The following CFTR variants were observed in gnomAD, a reference collection of about 807,000 sequenced individuals.
CFTR encodes the protein CF transmembrane conductance regulator.
CFTR carries 181 observed loss-of-function variants against 171.6 expected under a neutral mutation model. That is an observed-to-expected ratio of 1.05 (90% CI 0.93 to 1.19). The LOEUF (loss-of-function observed/expected upper bound fraction) is 1.19, where lower values mean the gene tolerates loss of function less well. Ranked by LOEUF, CFTR falls within the 50% of genes most tolerant of loss-of-function variation. The probability of loss-of-function intolerance (pLI) is 0.00; values close to 1 mark genes in which losing one functional copy is unlikely to be tolerated. For synonymous variants in CFTR, 583 were observed against 608.0 expected, an observed-to-expected ratio of 0.96 and a Z score of 0.60; for missense variants, 1,968 against 1,734.7, an observed-to-expected ratio of 1.13 and a Z score of -2.39.
chr7:117,630,127 C>T (rs34587451), intron 22 of CFTR, among the ~76,000 whole-genome samples: 2 of 152,168 alleles, frequency 1.3e-5, no homozygotes, highest in Admixed American at 6.5e-5. Flanking sequence ...GTTTCACAGA[C>T]CTTCATTTGC....
chr7:117,635,549 C>T (rs1248368672), intron 22 of CFTR, among the ~76,000 whole-genome samples: 1 of 151,812 alleles, frequency 6.6e-6, no homozygotes, highest in African/African-American at 2.4e-5. Context: ...CTTTTTCTTT[C>T]CATTGTGGTT....
At chr7:117,565,871 G>T (rs1384702617) in intron 11 of CFTR, among the ~76,000 whole-genome samples, 1 of 152,062 alleles carries the variant, frequency 6.6e-6, no homozygotes, top group Non-Finnish European at 1.5e-5. Flanking sequence ...AAGCTTGGGA[G>T]GGAAGTAAGC....
intron 11 of CFTR, among the ~76,000 whole-genome samples, chr7:117,582,044 C>T (rs1263655748): frequency 6.6e-6 from 1 of 152,098 alleles, no homozygotes; most frequent in Non-Finnish European, 1.5e-5. Context: ...GCTTGAGCCA[C>T]CATGTCCAGC....
At chr7:117,566,089 C>T (rs1791597052) in intron 11 of CFTR, among the ~76,000 whole-genome samples, 1 of 151,946 alleles carries the variant, frequency 6.6e-6, no homozygotes, top group South Asian at 2.1e-4. Context: ...AAAGAAGTAC[C>T]ATAGGAATTA....
intron 3 of CFTR, among the ~76,000 whole-genome samples, chr7:117,516,400 C>G (rs1291166071): frequency 6.6e-6 from 1 of 152,110 alleles, no homozygotes; most frequent in Non-Finnish European, 1.5e-5. Context: ...TCTTTACCGT[C>G]ACTTCCATCT....
chr7:117,603,448 C>T, intron 16 of CFTR, 84 bp from the exon 17 acceptor site: 1 of 1,491,328 alleles, frequency 6.7e-7, no homozygotes, highest in Non-Finnish European at 9.3e-7. Context: ...TTTATTTAGA[C>T]TCAAGTTTAG....
In CFTR at chr7:117,554,739, A is replaced by C. The variant is rs114158462; in HGVS notation, c.1393-4725A>C. Among the ~76,000 whole-genome samples, 186 of 152,298 alleles carry C rather than the reference A, an allele frequency of 1.2e-3. 1 individual carries two copies. The highest frequency in any genetic ancestry group is 4.1e-3 in the African/African-American group (171 of 41,544). On this transcript the variant is annotated intron_variant, in intron 10 of 26. Transcript: ENST00000003084. ...GAATGAATGTGGTATCCCGGAACCC[A>C]ACTGATGTCAAGCAGAAGGGTGTTA...
intron 10 of CFTR, among the ~76,000 whole-genome samples, chr7:117,549,747 A>G (rs1467268724): frequency 1.3e-5 from 2 of 152,162 alleles, no homozygotes; most frequent in East Asian, 3.9e-4. Flanking sequence ...GCTTTTCAAA[A>G]TACTTTCTAG....
intron 11 of CFTR, among the ~76,000 whole-genome samples, chr7:117,564,261 C>T (rs988913423): frequency 3.9e-5 from 6 of 152,178 alleles, no homozygotes; most frequent in Non-Finnish European, 5.9e-5. Flanking sequence ...CATGACAGCA[C>T]GTGATTGCTG....
Position 117,540,350 on chromosome 7 carries a change from A to G in CFTR, c.1116+4A>G. On this transcript the variant is annotated splice_donor_region_variant and intron_variant, in intron 8 of 26. Transcript: ENST00000003084. ...TGGAGCAATAAACAAAATACAGGTAATGTACCATAATGCTGCATTATATAC... is the reference window on the plus strand; with the variant it reads ...TGGAGCAATAAACAAAATACAGGTAGTGTACCATAATGCTGCATTATATAC... 2.5e-6 allele frequency: 4 copies of G among 1,611,526 alleles called. No individual in the cohort carries two copies. The highest frequency in any genetic ancestry group is 3.4e-6 in the Non-Finnish European group (4 of 1,177,710).
chr7:117,517,031 C>G (rs1047561654), intron 3 of CFTR, among the ~76,000 whole-genome samples: 1 of 151,800 alleles, frequency 6.6e-6, no homozygotes, highest in African/African-American at 2.4e-5. Flanking sequence ...ACATAGGTAT[C>G]AACAACTCTA....
rs121908748 is a variant in CFTR at position 117,590,440 on chromosome 7, G to C, written c.1766+1G>C. The C allele has an allele frequency of 1.2e-6, 2 of 1,600,182 alleles. No homozygotes were observed. The highest frequency in any genetic ancestry group is 1.7e-6 in the Non-Finnish European group (2 of 1,170,478). On this transcript the variant is annotated splice_donor_variant, in intron 13 of 26. Transcript: ENST00000003084. LOFTEE classifies it high-confidence loss of function. ...TAACAGAAAAAGAAATATTTGAAAG[G>C]TATGTTCTTTGAATACCTTACTTAT...
intron 15 of CFTR, among the ~76,000 whole-genome samples, chr7:117,598,303 A>G (rs1792170316): frequency 6.6e-6 from 1 of 152,232 alleles, no homozygotes; most frequent in Non-Finnish European, 1.5e-5. Flanking sequence ...GTCCTAATAT[A>G]AAACCTAAAT....
chr7:117,612,054 C>CATATATAT (rs1295752704), intron 20 of CFTR, among the ~76,000 whole-genome samples: 1 of 46,518 alleles, frequency 2.1e-5, no homozygotes, highest in Admixed American at 2.4e-4. Flanking sequence ...TATATATATA[C>CATATATAT]ATATATATAT....
intron 1 of CFTR, among the ~76,000 whole-genome samples, chr7:117,496,425 A>T (rs557838317): frequency 2.0e-5 from 3 of 152,236 alleles, no homozygotes; most frequent in Admixed American, 2.0e-4. Context: ...GCTGCTCTCA[A>T]ACTCCAGGGC....
intron 3 of CFTR, among the ~76,000 whole-genome samples, chr7:117,519,050 T>C (rs1434733513): frequency 6.6e-6 from 1 of 152,120 alleles, no homozygotes; most frequent in East Asian, 1.9e-4. Flanking sequence ...AGTGAAGATG[T>C]TACCAGTAAT....
chr7:117,555,502 A>G (rs1373410168), intron 10 of CFTR, among the ~76,000 whole-genome samples: 1 of 152,210 alleles, frequency 6.6e-6, no homozygotes, highest in Non-Finnish European at 1.5e-5. Flanking sequence ...AGTAAATTGC[A>G]TATTGCAGTA....
intron 24 of CFTR, among the ~76,000 whole-genome samples, chr7:117,660,701 CATATATATATACATATAT>C (rs1028129488): frequency 2.7e-5 from 4 of 150,834 alleles, no homozygotes; most frequent in African/African-American, 9.7e-5. Flanking sequence ...TATACACACA[CATATATATATACATATAT>C]ACATATATAT....
intron 24 of CFTR, among the ~76,000 whole-genome samples, chr7:117,659,252 A>G (rs1450561365): frequency 1.3e-5 from 2 of 151,994 alleles, no homozygotes; most frequent in African/African-American, 4.8e-5. Flanking sequence ...TCGGTTTCCT[A>G]GGTGTACCCT....
Sources: gnomAD v4.1 joint callset for allele counts (sites outside exome capture counted in the v4.1 genomes callset) on GRCh38, gnomAD v4.1.1 for gene constraint, MANE v1.5 for transcripts, NCBI Gene and HGNC (gene_info 2026-07-23, HGNC 2026-07-21) for gene names.